MYH6: variants seen among roughly 807,000 people sequenced by gnomAD.
The protein encoded by MYH6 is myosin heavy chain 6.
In MYH6, 126 loss-of-function variants were observed where a neutral mutation model predicts 223.2. That is an observed-to-expected ratio of 0.56 (90% CI 0.49 to 0.65). MYH6 has a LOEUF of 0.65. Among genes scored for constraint, MYH6 ranks in the 30% least tolerant of loss-of-function variants. The probability of loss-of-function intolerance (pLI) is 0.00; values close to 1 mark genes in which losing one functional copy is unlikely to be tolerated. For synonymous variants in MYH6, 978 were observed against 1,010.2 expected, an observed-to-expected ratio of 0.97 and a Z score of 0.61; for missense variants, 2,040 against 2,536.4, an observed-to-expected ratio of 0.80 and a Z score of 4.20.
intron 14 of MYH6, 110 bp from the exon 15 acceptor site, chr14:23,399,147 C>A: frequency 7.5e-7 from 1 of 1,332,652 alleles, no homozygotes; most frequent in Non-Finnish European, 1.1e-6. Context: ...CGCTGGCCTG[C>A]TGAAGGGGCG....
At chr14:23,402,163 C>A (rs1891621584) in intron 12 of MYH6, among the ~76,000 whole-genome samples, 2 of 152,218 alleles carry the variant, frequency 1.3e-5, no homozygotes, top group African/African-American at 4.8e-5. Flanking sequence ...GCTGGGCAGG[C>A]AAAGGCCCTG....
intron 15 of MYH6, among the ~76,000 whole-genome samples, chr14:23,398,015 CTTCT>C: frequency 9.2e-6 from 1 of 108,744 alleles, no homozygotes; most frequent in African/African-American, 3.8e-5. Flanking sequence ...TCTTCTTCTT[CTTCT>C]TCTTCCTTCT....
intron 25 of MYH6, among the ~76,000 whole-genome samples, chr14:23,391,244 G>A (rs1379745459): frequency 6.6e-6 from 1 of 152,198 alleles, no homozygotes; most frequent in Admixed American, 6.5e-5. Flanking sequence ...TTAATGGACT[G>A]TTCATGGATG....
chr14:23,387,535 C>A lies in MYH6; in HGVS notation c.4644G>T (p.Glu1548Asp). 2 of 1,613,784 alleles carry A rather than the reference C, an allele frequency of 1.2e-6. No individual in the cohort carries two copies. The highest frequency in any genetic ancestry group is 2.7e-5 in the African/African-American group (2 of 75,028). Residue 1548 changes from glutamate (E) to aspartate (D), a missense_variant, in exon 32 of 39, where the codon GAG (glutamate) becomes GAT (aspartate). Transcript: ENST00000405093. Reference protein sequence around the residue: ...EKLELQSALEEAEASLEHEEG... With the variant: ...EKLELQSALEDAEASLEHEEG... ...GGGAGTTCTCGGCCCTCACCTCTGCCTCCTCCAGGGCTGACTGCAGCTCCA... is the reference window on the plus strand; with the variant it reads ...GGGAGTTCTCGGCCCTCACCTCTGCATCCTCCAGGGCTGACTGCAGCTCCA...
intron 34 of MYH6, among the ~76,000 whole-genome samples, chr14:23,385,505 A>G (rs1207577437): frequency 6.6e-6 from 1 of 151,110 alleles, no homozygotes; most frequent in African/African-American, 2.4e-5. Context: ...AGGTGAGCAC[A>G]AAGTCTCATT....
At chr14:23,392,847 C>T (rs997845308) in intron 24 of MYH6, 65 bp downstream of exon 24, 1 of 1,603,340 alleles carries the variant, frequency 6.2e-7, no homozygotes, top group Non-Finnish European at 8.5e-7. Flanking sequence ...AGGCGCAGCA[C>T]CCTGCACTCT....
At position 23,396,946 on chromosome 14, in the gene MYH6, G is replaced by A; in HGVS notation, c.2168+17C>T. ...GCTCCCCCTGTTCTATGAGCTCTGG[G>A]GCACCCTCATACCCACCTCTGCCGG... On this transcript the variant is annotated intron_variant, in intron 18 of 38. Coordinates refer to ENST00000405093, the MANE Select transcript of MYH6 (RefSeq NM_002471.4). 1 of 1,612,340 alleles carries A rather than the reference G, an allele frequency of 6.2e-7. No individual in the cohort carries two copies. The highest frequency in any genetic ancestry group is 8.5e-7 in the Non-Finnish European group (1 of 1,179,944).
chr14:23,397,908 G>GTTC (rs1891446120), intron 15 of MYH6, among the ~76,000 whole-genome samples: 3 of 118,136 alleles, frequency 2.5e-5, no homozygotes, highest in Non-Finnish European at 5.4e-5. Flanking sequence ...CCACATTCTA[G>GTTC]TTCTCCTCCT....
rs775234352 is a variant in MYH6 at position 23,385,958 on chromosome 14, G to C, written c.5133C>G (p.Thr1711=). The C allele has an allele frequency of 1.2e-6, 2 of 1,614,236 alleles. No individual in the cohort carries two copies. Among genetic ancestry groups the C allele is most frequent in the Admixed American group, 3.3e-5 (2 of 60,014 alleles). The stretch of plus-strand genomic sequence containing the variant: ...AATGCAGCAGCTGCACCCGCTCGCT[G>C]GTCTCAATCAGCTCCTGCTCCGCCA... The part of the protein sequence containing the change: ...RKLAEQELIE[T]SERVQLLHSQ... Residue 1711 remains threonine, a synonymous_variant, in exon 34 of 39, where the codon ACC becomes ACG. Transcript: ENST00000405093.
chr14:23,387,768 C>T lies in MYH6; in HGVS notation c.4515G>A (p.Lys1505=), dbSNP rs754632087. The T allele has an allele frequency of 1.2e-5, 20 of 1,613,996 alleles. No homozygotes were observed. The highest frequency in any genetic ancestry group is 1.5e-5 in the Non-Finnish European group (18 of 1,180,012). Residue 1505 remains lysine, a synonymous_variant, in exon 31 of 39, where the codon AAG becomes AAA. Transcript: ENST00000405093. The stretch of plus-strand genomic sequence containing the variant: ...GGACCCCCAGCACACCCTGAAGGTT[C>T]TTGTTCTCCCGCTTGAAGGTCTCTA... ...EHLETFKREN[K]NLQEEISDLT...
chr14:23,389,072 G>GGGGGCC lies in MYH6; in HGVS notation c.3979-18_3979-17insGGCCCC. The stretch of plus-strand genomic sequence containing the variant: ...GTTCTTCGCCTGGGGAGGGGGGGGG[G>GGGGGCC]CACCAGGAGGTGGGAGGGACTCCCT... On this transcript the variant is annotated splice_polypyrimidine_tract_variant and intron_variant, in intron 28 of 38. Transcript: ENST00000405093. The GGGGGCC allele has an allele frequency of 9.7e-6, 11 of 1,134,962 alleles. No homozygotes were observed. The highest frequency in any genetic ancestry group is 1.3e-5 in the South Asian group (1 of 76,988). 70.3% of individuals were successfully genotyped at this position (1,134,962 alleles called of 1,614,324 possible).
chr14:23,397,957 T>TCCTCTTCTTCTTCTTCTTCCC (rs1891467948), intron 15 of MYH6, among the ~76,000 whole-genome samples: 1 of 111,548 alleles, frequency 9.0e-6, no homozygotes, highest in African/African-American at 3.8e-5. Flanking sequence ...TTCTTCTTCT[T>TCCTCTTCTTCTTCTTCTTCCC]CTTCTTCTTC....
Position 23,407,023 on chromosome 14 carries a change from CT to C in MYH6, c.200del (p.Lys67ArgfsTer3). ...GKVIAETENG[K>X]TVTVKEDQVL... is the part of the protein sequence containing the mutation. Reference sequence around the variant, plus strand: ...TGCCCCGGCGCCATGCCCTACTCACCTTCCCATTCTCGGTTTCAGCAATGAC... The same window carrying C: ...TGCCCCGGCGCCATGCCCTACTCACCTCCCATTCTCGGTTTCAGCAATGAC... On this transcript the variant is annotated frameshift_variant and splice_region_variant, in exon 3 of 39. Transcript: ENST00000405093. LOFTEE classifies it high-confidence loss of function. This position sits in a 1 kb window ranked among gnomAD's most constrained non-coding sequence, Gnocchi z 5.6. The C allele has an allele frequency of 6.2e-7, 1 of 1,614,168 alleles. No homozygotes were observed.
chr14:23,400,068 G>A, intron 14 of MYH6, 188 bp downstream of exon 14: 1 of 876,568 alleles, frequency 1.1e-6, no homozygotes, highest in Non-Finnish European at 1.8e-6. Context: ...TAAAGTGCAA[G>A]GTCCTGGGAA....
At position 23,386,636 on chromosome 14, in the gene MYH6, G is replaced by A. The variant is rs767751723; in HGVS notation, c.4651-13C>T. 1.9e-6 allele frequency: 3 copies of A among 1,598,324 alleles called. No individual in the cohort carries two copies. Among genetic ancestry groups the A allele is most frequent in the African/African-American group, 2.7e-5 (2 of 74,724 alleles). On this transcript the variant is annotated splice_polypyrimidine_tract_variant and intron_variant, in intron 32 of 38. Coordinates refer to ENST00000405093, the MANE Select transcript of MYH6 (RefSeq NM_002471.4). Reference sequence around the variant, plus strand: ...GCTCCAGGGAGGCCTGGGAAGGGGTGGGGCGAGGGCGGGCAGACAGGGCAC... The same window carrying A: ...GCTCCAGGGAGGCCTGGGAAGGGGTAGGGCGAGGGCGGGCAGACAGGGCAC...
At position 23,405,146 on chromosome 14, in the gene MYH6, G is replaced by C; in HGVS notation, c.503-19C>G. The C allele has an allele frequency of 6.2e-7, 1 of 1,614,046 alleles. No homozygotes were observed. The highest frequency in any genetic ancestry group is 8.5e-7 in the Non-Finnish European group (1 of 1,180,048). ...TCCCGATCTGGAAGAAAAAAGAGGA[G>C]AAGCAATGGGGTCAGGGCTGAGGAT... On this transcript the variant is annotated intron_variant, in intron 5 of 38. Coordinates refer to ENST00000405093, the MANE Select transcript of MYH6 (RefSeq NM_002471.4). The surrounding 1 kb of genome is among the most constrained non-coding windows in gnomAD (Gnocchi z 4.7).
chr14:23,384,772 C>T lies in MYH6; in HGVS notation c.5290-55G>A, dbSNP rs191833653. ...ATGGGCCAGGGGCCGGGGCCTTTTG[C>T]CCCCCAAGGATCTCCTTTCTCCCAT... On this transcript the variant is annotated intron_variant, in intron 35 of 38. Coordinates refer to ENST00000405093, the MANE Select transcript of MYH6 (RefSeq NM_002471.4). 3.7e-6 allele frequency: 6 copies of T among 1,613,806 alleles called. No homozygotes were observed. The East Asian group carries it at 8.9e-5, about 24-fold the overall frequency.
At chr14:23,382,689 C>T in intron 37 of MYH6, 127 bp from the exon 38 acceptor site, 5 of 1,400,374 alleles carry the variant, frequency 3.6e-6, no homozygotes, top group Non-Finnish European at 5.0e-6. Context: ...CCTGCAACAG[C>T]CTTCCCAAGG....
rs1891755697 is a variant in MYH6 at position 23,405,467 on chromosome 14, C to G, written c.346-88G>C. 3.7e-6 allele frequency: 6 copies of G among 1,605,698 alleles called. No homozygotes were observed. The highest frequency in any genetic ancestry group is 5.1e-6 in the Non-Finnish European group (6 of 1,173,292). ...GCAGCCAGGCATGTCCCTGTTCACT[C>G]CAGCTGGCTCTACTCCTCCTGCAGC... On this transcript the variant is annotated intron_variant, in intron 4 of 38. Coordinates refer to ENST00000405093, the MANE Select transcript of MYH6 (RefSeq NM_002471.4). The surrounding 1 kb of genome is among the most constrained non-coding windows in gnomAD (Gnocchi z 4.7).
Sources: gnomAD v4.1 joint callset for allele counts (sites outside exome capture counted in the v4.1 genomes callset) on GRCh38, gnomAD v4.1.1 for gene constraint, Gnocchi (gnomAD v3.1) non-coding constraint, MANE v1.5 for transcripts, NCBI Gene and HGNC (gene_info 2026-07-23, HGNC 2026-07-21) for gene names.